MBD5: variants seen among roughly 807,000 people sequenced by gnomAD.
The protein encoded by MBD5 is methyl-CpG binding domain protein 5.
In MBD5, 13 loss-of-function variants were observed where a neutral mutation model predicts 117.3. That is an observed-to-expected ratio of 0.11 (90% CI 0.07 to 0.18). The LOEUF (loss-of-function observed/expected upper bound fraction) is 0.18, where lower values mean the gene tolerates loss of function less well. Ranked by LOEUF, MBD5 falls within the 10% of genes least tolerant of loss-of-function variation. The probability of loss-of-function intolerance (pLI) is 1.00; values close to 1 mark genes in which losing one functional copy is unlikely to be tolerated. For synonymous variants in MBD5, 727 were observed against 766.4 expected, an observed-to-expected ratio of 0.95 and a Z score of 0.85; for missense variants, 1,879 against 2,093.8, an observed-to-expected ratio of 0.90 and a Z score of 2.00.
At chr2:148,312,081 A>AT (rs1702045457) in intron 3 of MBD5, among the ~76,000 whole-genome samples, 2 of 151,978 alleles carry the variant, frequency 1.3e-5, no homozygotes, top group African/African-American at 4.8e-5. Context: ...TGCCCTTAAC[A>AT]TTTTTTCCTT....
intron 4 of MBD5, among the ~76,000 whole-genome samples, chr2:148,422,161 A>G (rs1705629525): frequency 1.3e-5 from 2 of 152,168 alleles, no homozygotes; most frequent in South Asian, 4.1e-4. Context: ...GTAGGGGCTG[A>G]CAGACACCTC....
chr2:148,447,873 CTGTGT>C (rs1706615380), intron 4 of MBD5: 1 of 152,054 alleles, frequency 6.6e-6, no homozygotes, highest in African/African-American at 2.4e-5. Context: ...CAGAGTCCTC[CTGTGT>C]ATGGCTGGTC....
intron 1 of MBD5, among the ~76,000 whole-genome samples, chr2:148,103,946 A>C (rs1696300278): frequency 6.6e-6 from 1 of 152,190 alleles, no homozygotes; most frequent in African/African-American, 2.4e-5. Context: ...TGACCAAGGC[A>C]GTATGGCATA....
At chr2:148,227,996 T>G (rs750106626) in intron 2 of MBD5, among the ~76,000 whole-genome samples, 1 of 152,246 alleles carries the variant, frequency 6.6e-6, no homozygotes, top group African/African-American at 2.4e-5. Context: ...CTTATCAGCT[T>G]AAGGAGATTT....
chr2:148,502,971 G>T, intron 12 of MBD5: 1 of 171,748 alleles, frequency 5.8e-6, no homozygotes, highest in Non-Finnish European at 1.3e-5. Flanking sequence ...TCAGGGATGT[G>T]GACTTAAAAG....
intron 1 of MBD5, among the ~76,000 whole-genome samples, chr2:148,113,097 C>T (rs16828264): frequency 0.021 from 3,254 of 152,202 alleles, 123 homozygotes; most frequent in African/African-American, 0.074. Context: ...GTCAGCCATG[C>T]CCCTCATTAT....
chr2:148,331,492 T>C (rs1218994844), intron 3 of MBD5, among the ~76,000 whole-genome samples: 1 of 152,168 alleles, frequency 6.6e-6, no homozygotes, highest in Admixed American at 6.5e-5. Context: ...TGTTAAATGC[T>C]GATTTCTCAT....
intron 11 of MBD5, among the ~76,000 whole-genome samples, chr2:148,494,350 CTTGAAAGCGT>C (rs1681627739): frequency 6.6e-6 from 1 of 152,138 alleles, no homozygotes; most frequent in South Asian, 2.1e-4. Flanking sequence ...AGGAGTTCCA[CTTGAAAGCGT>C]TTTAAAGCAC....
intron 3 of MBD5, among the ~76,000 whole-genome samples, chr2:148,294,725 C>T (rs1019274894): frequency 1.6e-4 from 25 of 152,054 alleles, no homozygotes; most frequent in Admixed American, 1.2e-3. Flanking sequence ...AAGCTGGTCT[C>T]GAACTGCTGG....
Position 148,174,803 on chromosome 2 carries a change from A to G in MBD5, c.-924-3897A>G, listed in dbSNP as rs181055993. Among the ~76,000 whole-genome samples, 52 of 152,086 alleles carry G rather than the reference A, an allele frequency of 3.4e-4. 1 individual carries two copies. Among genetic ancestry groups the G allele is most frequent in the Non-Finnish European group, 6.0e-4 (41 of 67,950 alleles). On this transcript the variant is annotated intron_variant, in intron 1 of 13. Coordinates refer to ENST00000642680, the MANE Select transcript of MBD5 (RefSeq NM_001378120.1). ...TTACCAAAAAAAAAAAATACAAAAGATAACAAATGTTGATGACGATGTAAA... is the reference window on the plus strand; with the variant it reads ...TTACCAAAAAAAAAAAATACAAAAGGTAACAAATGTTGATGACGATGTAAA...
rs77302665 is a variant in MBD5, at chr2:148,082,116, A to G, written c.-925+60432A>G. Among the ~76,000 whole-genome samples the G allele has an allele frequency of 5.7e-3, 861 of 152,316 alleles. 5 individuals are homozygous for G. Among genetic ancestry groups the G allele is most frequent in the African/African-American group, 0.019 (792 of 41,560 alleles). On this transcript the variant is annotated intron_variant, in intron 1 of 13. Transcript: ENST00000642680. ...TACTTCGCACTTCATATGCAAAACC[A>G]GAGGCATTTCTCATGAATCCTTTAG... is the stretch of plus-strand genomic sequence containing the variant.
intron 1 of MBD5, among the ~76,000 whole-genome samples, chr2:148,095,925 T>C (rs1696058222): frequency 6.6e-6 from 1 of 152,108 alleles, no homozygotes; most frequent in African/African-American, 2.4e-5. Context: ...AAAGAGAATA[T>C]AGAAAAAGTA....
intron 4 of MBD5, among the ~76,000 whole-genome samples, chr2:148,398,612 C>A (rs1704813659): frequency 6.6e-6 from 1 of 152,154 alleles, no homozygotes; most frequent in Non-Finnish European, 1.5e-5. Context: ...TGCCTGTTCA[C>A]TCTGATGGTA....
intron 1 of MBD5, among the ~76,000 whole-genome samples, chr2:148,127,026 G>T (rs1696915477): frequency 6.8e-6 from 1 of 147,854 alleles, no homozygotes; most frequent in African/African-American, 2.5e-5. Context: ...TCCCAGGCTG[G>T]AGTGCGTGGC....
chr2:148,507,364 A>G (rs897599515), intron 12 of MBD5, among the ~76,000 whole-genome samples: 3 of 152,252 alleles, frequency 2.0e-5, no homozygotes, highest in Non-Finnish European at 2.9e-5. Flanking sequence ...AATTTCACCA[A>G]TTCTTAAAAA....
intron 3 of MBD5, among the ~76,000 whole-genome samples, chr2:148,286,053 T>A (rs1392478518): frequency 6.6e-6 from 1 of 152,144 alleles, no homozygotes; most frequent in East Asian, 1.9e-4. Context: ...CCATATAGTA[T>A]TTAGCAATAA....
intron 2 of MBD5, among the ~76,000 whole-genome samples, chr2:148,202,192 GTAAA>G (rs1275619718): frequency 6.6e-6 from 1 of 152,168 alleles, no homozygotes; most frequent in Non-Finnish European, 1.5e-5. Context: ...CAATAAACAA[GTAAA>G]TAATTACATA....
chr2:148,268,787 A>C (rs1558998497), intron 3 of MBD5, among the ~76,000 whole-genome samples: 2 of 151,978 alleles, frequency 1.3e-5, no homozygotes, highest in East Asian at 3.9e-4. Flanking sequence ...TATTTTATTA[A>C]ATTTCCCAAC....
intron 4 of MBD5, among the ~76,000 whole-genome samples, chr2:148,382,960 G>A (rs1461087861): frequency 3.3e-5 from 5 of 151,570 alleles, no homozygotes; most frequent in African/African-American, 1.2e-4. Context: ...AAAGCAGTGT[G>A]TAGAGGGAAA....
Sources: allele counts gnomAD v4.1 joint callset (sites outside exome capture counted in the v4.1 genomes callset), GRCh38; gene constraint gnomAD v4.1.1; transcripts MANE v1.5; gene names NCBI Gene and HGNC (gene_info 2026-07-23, HGNC 2026-07-21).